MAP3K12: variants seen among roughly 807,000 people sequenced by gnomAD.
MAP3K12 encodes mitogen-activated protein kinase kinase kinase 12, also known as MAPK-upstream kinase.
MAP3K12 carries 14 observed loss-of-function variants against 87.5 expected under a neutral mutation model. The ratio of observed to expected loss-of-function variants is 0.16; its 90% CI spans 0.11 to 0.25. The LOEUF (loss-of-function observed/expected upper bound fraction) is 0.25, where lower values mean the gene tolerates loss of function less well. Ranked by LOEUF, MAP3K12 falls within the 10% of genes least tolerant of loss-of-function variation. The pLI, the probability that MAP3K12 is intolerant of heterozygous loss-of-function variation, is 1.00. For missense variants in MAP3K12, 802 were observed against 1,140.4 expected (o/e 0.70, Z 4.27); for synonymous variants, 469 against 452.5 (o/e 1.04, Z -0.46).
At chr12:53,485,910 C>T (rs1279093317) in intron 4 of MAP3K12, 146 bp downstream of exon 4, 2 of 708,810 alleles carry the variant, frequency 2.8e-6, no homozygotes, top group Non-Finnish European at 4.7e-6. Context: ...CTCACTACAG[C>T]CCTTCTGAGA....
rs756170854 is a variant in MAP3K12 at position 53,482,988 on chromosome 12, T to A, written c.1815A>T (p.Gly605=). ...LRTAVPPHEP[G]GPGSPGGLGG... is the part of the protein sequence containing the mutation. ...CTAGGCCCCCTGGGCTTCCTGGTCC[T>A]CCAGGTTCATGGGGTGGCACAGCTG... The change falls in exon 11 of 14, where the codon GGA becomes GGT. Residue 605 remains glycine (G), a synonymous_variant. Coordinates refer to ENST00000547488, the MANE Select transcript of MAP3K12 (RefSeq NM_001193511.2). 3 of 1,576,246 alleles carry A rather than the reference T, an allele frequency of 1.9e-6. No individual in the cohort carries two copies. In the African/African-American group the frequency reaches 4.1e-5, roughly 21 times the overall value.
Position 53,486,914 on chromosome 12 carries a change from CAGAG to C in MAP3K12, c.445+29_445+32del, listed in dbSNP as rs772383869. On this transcript the variant is annotated intron_variant, in intron 2 of 13. Coordinates refer to ENST00000547488, the MANE Select transcript of MAP3K12 (RefSeq NM_001193511.2). This position sits in a 1 kb window ranked among gnomAD's most constrained non-coding sequence, Gnocchi z 4.9. The stretch of plus-strand genomic sequence containing the variant: ...CCAACAGATCTCGGGCTCAGGGAAA[CAGAG>C]AGGAGGCTCCCACAAGGACGTGGCC... 137 of 1,606,980 alleles carry C rather than the reference CAGAG, an allele frequency of 8.5e-5. No individual in the cohort carries two copies. Among genetic ancestry groups the C allele is most frequent in the Middle Eastern group, 3.3e-4 (2 of 6,054 alleles).
rs770855588 is a variant in MAP3K12, at chr12:53,482,912, G to GAAGCCC, written c.1885_1890dup (p.Gly629_Leu630dup). ...ATTTTGCGGAGCAGGAGGTCATGAT[G>GAAGCCC]AAGCCCACGGAGGGCGGGAGGGCAG... On this transcript the variant is annotated inframe_insertion, in exon 11 of 14. Transcript: ENST00000547488. 2.9e-5 allele frequency: 46 copies of GAAGCCC among 1,610,106 alleles called. No individual in the cohort carries two copies. The South Asian group carries it at 4.3e-4, about 15-fold the overall frequency.
intron 4 of MAP3K12, 96 bp downstream of exon 4, chr12:53,485,960 T>C: frequency 8.4e-7 from 1 of 1,190,546 alleles, no homozygotes; most frequent in Admixed American, 2.3e-5. Context: ...GATGGCCACA[T>C]GGACCTAGGG....
intron 1 of MAP3K12, among the ~76,000 whole-genome samples, chr12:53,489,298 G>GGTGGCGGAGGTTGCAGT (rs1943335731): frequency 6.6e-6 from 1 of 151,924 alleles, no homozygotes; most frequent in East Asian, 1.9e-4. Flanking sequence ...CAGCCTGGGC[G>GGTGGCGGAGGTTGCAGT]AAGTAGCCAA....
Position 53,483,230 on chromosome 12 carries a change from C to T in MAP3K12, c.1614-41G>A, listed in dbSNP as rs771252421. On this transcript the variant is annotated intron_variant, in intron 10 of 13. Coordinates refer to ENST00000547488, the MANE Select transcript of MAP3K12 (RefSeq NM_001193511.2). ...AAGTAAAAGGTTAAGACTGCCAAAT[C>T]TATGTACTCAAAGCACTCCCTAACC... 3.3e-6 allele frequency: 5 copies of T among 1,537,906 alleles called. No homozygotes were observed. In the African/African-American group the frequency reaches 6.9e-5, roughly 21 times the overall value.
upstream of MAP3K12, chr12:53,501,329 C>A: frequency 1.3e-6 from 2 of 1,515,372 alleles, no homozygotes; most frequent in Non-Finnish European, 1.8e-6. Context: ...CGGGCTTGGC[C>A]CCGGCCCTAG....
At chr12:53,493,093 G>C (rs1275247675) in intron 1 of MAP3K12, 1 of 152,516 alleles carries the variant, frequency 6.6e-6, no homozygotes, top group Non-Finnish European at 1.5e-5. Flanking sequence ...GTGGGGAAAG[G>C]GAAGGGACAC....
intron 1 of MAP3K12, among the ~76,000 whole-genome samples, chr12:53,493,250 T>C (rs1943465437): frequency 6.6e-6 from 1 of 151,968 alleles, no homozygotes; most frequent in Non-Finnish European, 1.5e-5. Context: ...GCCCCTGACC[T>C]GGGCCGGCCC....
At position 53,483,130 on chromosome 12, in the gene MAP3K12, A is replaced by T; in HGVS notation, c.1673T>A (p.Val558Glu). Reference protein sequence around the residue: ...LPKLDAALSGVGLPGCPKGPP... With the variant: ...LPKLDAALSGEGLPGCPKGPP... ...GCCCTTAGGACACCCAGGAAGCCCC[A>T]CCCCACTCAGGGCTGCATCTAGTTT... Residue 558 changes from valine to glutamate, a missense_variant, in exon 11 of 14, where the codon GTG becomes GAG. Around this residue, in one of 5 missense-constraint regions of MAP3K12, gnomAD observed 490 missense variants for 496.6 expected, o/e 0.99. Transcript: ENST00000547488. 1 of 1,520,726 alleles carries T rather than the reference A, an allele frequency of 6.6e-7. No individual in the cohort carries two copies. The highest frequency in any genetic ancestry group is 8.8e-7 in the Non-Finnish European group (1 of 1,136,516). The allele number at this position is 1,520,726 out of a possible 1,614,324, so 94.2% of individuals were successfully genotyped here.
At chr12:53,491,605 T>C (rs1434471329) in intron 1 of MAP3K12, among the ~76,000 whole-genome samples, 2 of 151,490 alleles carry the variant, frequency 1.3e-5, no homozygotes, top group Middle Eastern at 6.3e-3. Context: ...GGCTAATTTT[T>C]TCTGTGTTTA....
Position 53,487,126 on chromosome 12 carries a change from C to T in MAP3K12, c.266G>A (p.Gly89Glu). 5 of 1,614,054 alleles carry T rather than the reference C, an allele frequency of 3.1e-6. No homozygotes were observed. Among genetic ancestry groups the T allele is most frequent in the Non-Finnish European group, 4.2e-6 (5 of 1,180,000 alleles). Residue 89 changes from glycine to glutamate, a missense_variant, in exon 2 of 14, where the codon GGG (glycine) becomes GAG (glutamate). Physicochemically the swap from Gly to Glu is moderately conservative, Grantham distance 98. This residue lies in a region of MAP3K12 where 135 missense variants were observed against 151.6 expected (regional missense o/e 0.89). Transcript: ENST00000547488. ...TGACCCAGCTGCTCCCCCTGGGCCC[C>T]CTGCATCCTGCTCATGTAGCTGCAG... ...SVLQLHEQDA[G>E]GPGGAAGSPE...
upstream of MAP3K12, chr12:53,501,150 G>A (rs143706116): frequency 2.8e-4 from 156 of 552,294 alleles, no homozygotes; most frequent in African/African-American, 2.8e-3. Context: ...AGAAGCGACG[G>A]CGGAGGGCCC....
At position 53,486,492 on chromosome 12, in the gene MAP3K12, T is replaced by G; in HGVS notation, c.576A>C (p.Glu192Asp). 6.2e-7 allele frequency: 1 copy of G among 1,614,128 alleles called. No homozygotes were observed. Among genetic ancestry groups the G allele is most frequent in the Non-Finnish European group, 8.5e-7 (1 of 1,180,026 alleles). The change falls in exon 3 of 14, where the codon GAA becomes GAC. Residue 192 changes from glutamate to aspartate, a missense_variant. By Grantham distance (45) the Glu-to-Asp change is conservative. Around this residue, in one of 5 missense-constraint regions of MAP3K12, gnomAD observed 57 missense variants for 161.8 expected, o/e 0.35. Coordinates refer to ENST00000547488, the MANE Select transcript of MAP3K12 (RefSeq NM_001193511.2). This position sits in a 1 kb window ranked among gnomAD's most constrained non-coding sequence, Gnocchi z 4.9. Reference protein sequence around the residue: ...VAVKKVRDLKETDIKHLRKLK... With the variant: ...VAVKKVRDLKDTDIKHLRKLK... ...GCTTTCGCAAGTGCTTGATGTCGGT[T>G]TCTTTGAGGTCTCGCACCTTCTTCA...
At position 53,483,033 on chromosome 12, in the gene MAP3K12, C is replaced by G. The variant is rs969396295; in HGVS notation, c.1770G>C (p.Gly590=). The G allele has an allele frequency of 9.7e-6, 15 of 1,553,968 alleles. No individual in the cohort carries two copies. The highest frequency in any genetic ancestry group is 1.2e-5 in the Non-Finnish European group (14 of 1,150,786). Residue 590 remains glycine, a synonymous_variant, in exon 11 of 14, where the codon GGG becomes GGC. Transcript: ENST00000547488. ...HRKASAKGSC[G]DLPGLRTAVP... ...CAGCTGTACGAAGCCCAGGCAGGTC[C>G]CCACAGCTCCCCTTGGCGCTGGCCT...
intron 1 of MAP3K12, among the ~76,000 whole-genome samples, chr12:53,488,924 G>T (rs1592716278): frequency 8.8e-6 from 1 of 113,688 alleles, no homozygotes; most frequent in African/African-American, 2.8e-5. Flanking sequence ...TACTTAAAAA[G>T]AAAAAATTAG....
chr12:53,489,467 C>CA (rs1397123087), intron 1 of MAP3K12, among the ~76,000 whole-genome samples: 5 of 152,230 alleles, frequency 3.3e-5, no homozygotes. Context: ...CTTAATCCTA[C>CA]ACCAGACTTG....
intron 7 of MAP3K12, 107 bp downstream of exon 7, chr12:53,484,150 G>A: frequency 2.9e-6 from 4 of 1,363,692 alleles, no homozygotes; most frequent in Non-Finnish European, 4.1e-6. Context: ...CCCTCTAAGA[G>A]CCAATCTCTT....
At chr12:53,498,852 C>T (rs1293061161) in intron 1 of MAP3K12, among the ~76,000 whole-genome samples, 1 of 151,286 alleles carries the variant, frequency 6.6e-6, no homozygotes, top group Non-Finnish European at 1.5e-5. Flanking sequence ...GGAGGGGGAC[C>T]AACGCCTGGG....
Sources: gnomAD v4.1 joint callset for allele counts (sites outside exome capture counted in the v4.1 genomes callset) on GRCh38, gnomAD v4.1.1 for gene constraint, gnomAD v4.1.1 regional missense constraint, Gnocchi (gnomAD v3.1) non-coding constraint, MANE v1.5 for transcripts, NCBI Gene and HGNC (gene_info 2026-07-23, HGNC 2026-07-21) for gene names.